Variants in CNTNAP2 observed in about 807,000 individuals in gnomAD.
CNTNAP2 encodes contactin-associated protein-like 2.
CNTNAP2 carries 98 observed loss-of-function variants against 155.2 expected under a neutral mutation model. That is an observed-to-expected ratio of 0.63 (90% CI 0.54 to 0.75). The LOEUF is 0.75. Ranked by LOEUF, CNTNAP2 falls within the 30% of genes least tolerant of loss-of-function variation. CNTNAP2 has a pLI of 0.00. For synonymous variants in CNTNAP2, 651 were observed against 631.2 expected (o/e 1.03, Z -0.47); for missense variants, 1,727 against 1,688.1 (o/e 1.02, Z -0.40).
chr7:148,181,947 C>T (rs1433878097), intron 18 of CNTNAP2, among the ~76,000 whole-genome samples: 3 of 151,178 alleles, frequency 2.0e-5, no homozygotes, highest in Non-Finnish European at 4.4e-5. Flanking sequence ...TTAGTAGAGA[C>T]GGGGTTTCAC....
rs368697909 is a variant in CNTNAP2, at chr7:146,596,595, CAGAGAGAGAGAGAGAGAGAG to C, written c.98-177650_98-177631del. The stretch of plus-strand genomic sequence containing the variant: ...AAGAAAGAGAGAGATAGAAGGGAGA[CAGAGAGAGAGAGAGAGAGAG>C]AGAGAGAGAGAGAGAGAGAGAGAGA... On this transcript the variant is annotated intron_variant, in intron 1 of 23. Coordinates refer to ENST00000361727, the MANE Select transcript of CNTNAP2 (RefSeq NM_014141.6). Among the ~76,000 whole-genome samples, 11 of 105,076 alleles carry C rather than the reference CAGAGAGAGAGAGAGAGAGAG, an allele frequency of 1.0e-4. No homozygotes were observed. The East Asian group carries it at 1.1e-3, about 10-fold the overall frequency. 68.9% of individuals were successfully genotyped at this position (105,076 alleles called of 152,430 possible).
chr7:146,706,546 G>A (rs75141991), intron 1 of CNTNAP2, among the ~76,000 whole-genome samples: 1,743 of 152,164 alleles, frequency 0.011, 14 homozygotes, highest in Middle Eastern at 0.027. Context: ...ACAGGCGGCC[G>A]CTGAATGTCC....
intron 11 of CNTNAP2, among the ~76,000 whole-genome samples, chr7:147,531,801 CTTTTCT>C (rs1401498518): frequency 1.4e-5 from 2 of 141,044 alleles, no homozygotes; most frequent in East Asian, 4.2e-4. Context: ...ATGGGTTTTT[CTTTTCT>C]TTTTTTTTTT....
chr7:148,071,327 A>C (rs896238338), intron 15 of CNTNAP2, among the ~76,000 whole-genome samples: 3 of 152,126 alleles, frequency 2.0e-5, no homozygotes, highest in African/African-American at 7.2e-5. Flanking sequence ...AAATACAAAA[A>C]AAAATTGCTG....
chr7:146,245,447 G>C (rs1390939856), intron 1 of CNTNAP2, among the ~76,000 whole-genome samples: 2 of 152,180 alleles, frequency 1.3e-5, no homozygotes, highest in Admixed American at 6.5e-5. Context: ...GCCTCTAAAA[G>C]TATTAGGGCG....
chr7:147,397,330 T>C (rs1369574367), intron 10 of CNTNAP2, among the ~76,000 whole-genome samples: 3 of 152,062 alleles, frequency 2.0e-5, no homozygotes, highest in African/African-American at 7.2e-5. Flanking sequence ...GATGAATGTT[T>C]TAAAGATCAT....
intron 1 of CNTNAP2, among the ~76,000 whole-genome samples, chr7:146,758,445 C>T (rs1418458226): frequency 6.6e-6 from 1 of 152,002 alleles, no homozygotes; most frequent in Non-Finnish European, 1.5e-5. Context: ...TCTCTGTTTG[C>T]CGCTGTATTG....
intron 3 of CNTNAP2, among the ~76,000 whole-genome samples, chr7:146,862,774 C>G (rs1795129979): frequency 2.0e-5 from 3 of 152,176 alleles, no homozygotes; most frequent in Admixed American, 2.0e-4. Flanking sequence ...TATTTTTGCA[C>G]TTGTGTGCAG....
At chr7:148,072,301 A>G (rs898654363) in intron 15 of CNTNAP2, among the ~76,000 whole-genome samples, 1 of 152,206 alleles carries the variant, frequency 6.6e-6, no homozygotes, top group African/African-American at 2.4e-5. Context: ...TTGTTTGGCA[A>G]GCTTTTTCTG....
At chr7:147,366,808 CACA>C (rs1796238482) in intron 9 of CNTNAP2, among the ~76,000 whole-genome samples, 19 of 97,002 alleles carry the variant, frequency 2.0e-4, no homozygotes, top group Admixed American at 8.4e-4. Context: ...CACACACACA[CACA>C]CCCCAATGTT....
chr7:147,617,194 C>G (rs1801310162), intron 12 of CNTNAP2, among the ~76,000 whole-genome samples: 1 of 152,154 alleles, frequency 6.6e-6, no homozygotes, highest in African/African-American at 2.4e-5. Flanking sequence ...ACGACAAATG[C>G]TCTGTCACCA....
At chr7:147,906,856 C>G (rs985700195) in intron 14 of CNTNAP2, among the ~76,000 whole-genome samples, 2 of 152,088 alleles carry the variant, frequency 1.3e-5, no homozygotes, top group Non-Finnish European at 2.9e-5. Context: ...TCCATTCCAC[C>G]CTTATTCCCA....
At position 147,159,009 on chromosome 7, in the gene CNTNAP2, G is replaced by A. The variant is rs116070221; in HGVS notation, c.1348+26500G>A. Among the ~76,000 whole-genome samples the A allele has an allele frequency of 2.2e-3, 333 of 152,230 alleles. 3 individuals carry two copies. Among genetic ancestry groups the A allele is most frequent in the African/African-American group, 7.8e-3 (324 of 41,552 alleles). On this transcript the variant is annotated intron_variant, in intron 8 of 23. Coordinates refer to ENST00000361727, the MANE Select transcript of CNTNAP2 (RefSeq NM_014141.6). ...ATTCAGTGGTTATTTGACAGAGGAA[G>A]TAACATTTGATCTGAGACATAAGGG...
At chr7:146,788,142 A>T (rs1004732615) in intron 2 of CNTNAP2, among the ~76,000 whole-genome samples, 10 of 152,280 alleles carry the variant, frequency 6.6e-5, no homozygotes, top group African/African-American at 2.2e-4. Flanking sequence ...TTGTCCCCCA[A>T]ACAAGCCCAG....
At chr7:146,674,457 AATT>A (rs1460015271) in intron 1 of CNTNAP2, among the ~76,000 whole-genome samples, 2 of 152,102 alleles carry the variant, frequency 1.3e-5, no homozygotes, top group South Asian at 4.2e-4. Context: ...TATTGATCCT[AATT>A]TGATGGACTT....
chr7:146,149,807 A>G (rs1798010149), intron 1 of CNTNAP2, among the ~76,000 whole-genome samples: 2 of 151,580 alleles, frequency 1.3e-5, no homozygotes, highest in African/African-American at 4.8e-5. Flanking sequence ...AGAAGAAAAT[A>G]TAGAAGAATA....
At chr7:148,224,865 C>A (rs1186696404) in intron 19 of CNTNAP2, among the ~76,000 whole-genome samples, 4 of 152,138 alleles carry the variant, frequency 2.6e-5, no homozygotes, top group African/African-American at 9.7e-5. Flanking sequence ...GGAAAGGCCC[C>A]TTATAAAACC....
chr7:147,401,201 T>TA (rs1419646986), intron 10 of CNTNAP2, among the ~76,000 whole-genome samples: 1 of 152,096 alleles, frequency 6.6e-6, no homozygotes, highest in African/African-American at 2.4e-5. Context: ...GAAAATATAT[T>TA]AAAAAATACA....
At chr7:146,937,749 TA>T (rs1177060296) in intron 3 of CNTNAP2, among the ~76,000 whole-genome samples, 1 of 152,184 alleles carries the variant, frequency 6.6e-6, no homozygotes, top group Non-Finnish European at 1.5e-5. Context: ...AATGCCAACC[TA>T]AAATAATTAA....
Sources: allele counts gnomAD v4.1 joint callset (sites outside exome capture counted in the v4.1 genomes callset), GRCh38; gene constraint gnomAD v4.1.1; transcripts MANE v1.5; gene names NCBI Gene and HGNC (gene_info 2026-07-23, HGNC 2026-07-21).